The following ATP13A3 variants were observed in gnomAD, a reference collection of about 807,000 sequenced individuals.
ATP13A3 encodes the protein ATPase 13A3.
In ATP13A3, 59 loss-of-function variants were observed where a neutral mutation model predicts 158.1. The observed-to-expected ratio is 0.37, with a 90% CI of 0.30 to 0.46. ATP13A3 has a LOEUF of 0.46. ATP13A3 is among the 20% of genes least tolerant of loss of function. The pLI, the probability that ATP13A3 is intolerant of heterozygous loss-of-function variation, is 1.00. For missense variants in ATP13A3, 1,166 were observed against 1,525.2 expected (o/e 0.76, Z 3.92); for synonymous variants, 491 against 504.3 (o/e 0.97, Z 0.35).
In ATP13A3 at chr3:194,425,367, G is replaced by A. The variant is rs750613950; in HGVS notation, c.3288C>T (p.Pro1096=). ...AATTTTTGTAGCAAGGTTGCCTGAA[G>A]GGTTTTCCTTTTGAAAAGGCAATTG... ...IVAIAFSKGK[P]FRQPCYKNYF... Residue 1096 remains proline (P), a synonymous_variant, in exon 30 of 34, where the codon CCC becomes CCT. Transcript: ENST00000645319. The A allele has an allele frequency of 6.2e-7, 1 of 1,612,762 alleles. No homozygotes were observed. Among genetic ancestry groups the A allele is most frequent in the Admixed American group, 1.7e-5 (1 of 59,754 alleles).
chr3:194,481,734 G>A (rs1280687840), intron 2 of ATP13A3, among the ~76,000 whole-genome samples: 1 of 152,150 alleles, frequency 6.6e-6, no homozygotes, highest in African/African-American at 2.4e-5. Context: ...GTAGACATCA[G>A]CAATTTCCAG....
intron 10 of ATP13A3, among the ~76,000 whole-genome samples, chr3:194,453,435 A>T (rs1299594991): frequency 6.6e-6 from 1 of 151,980 alleles, no homozygotes; most frequent in African/African-American, 2.4e-5. Flanking sequence ...TCTAAAAAAA[A>T]AAAAAATAGA....
At chr3:194,420,132 C>CT (rs1716187418) in intron 30 of ATP13A3, 165 bp from the exon 31 acceptor site, 1 of 671,028 alleles carries the variant, frequency 1.5e-6, no homozygotes, top group Admixed American at 4.6e-5. Context: ...GAGTATGAGA[C>CT]ATTGTTCGGG....
intron 20 of ATP13A3, 107 bp downstream of exon 20, chr3:194,436,988 C>T: frequency 1.5e-6 from 2 of 1,315,054 alleles, no homozygotes; most frequent in Non-Finnish European, 2.1e-6. Context: ...TATTAGATAT[C>T]TTTTCATACA....
chr3:194,483,753 A>C (rs944731705), intron 2 of ATP13A3, among the ~76,000 whole-genome samples: 3 of 152,256 alleles, frequency 2.0e-5, no homozygotes, highest in Non-Finnish European at 4.4e-5. Context: ...CAGAGGTAAC[A>C]CCAAGAAGAA....
At chr3:194,454,204 TG>T (rs1719031173) in intron 9 of ATP13A3, 53 bp downstream of exon 9, 2 of 1,493,508 alleles carry the variant, frequency 1.3e-6, no homozygotes, top group Non-Finnish European at 1.8e-6. Flanking sequence ...ACACATTAGA[TG>T]TTACTACAAA....
intron 2 of ATP13A3, among the ~76,000 whole-genome samples, chr3:194,484,257 AAAG>A (rs1287677814): frequency 1.3e-5 from 2 of 152,044 alleles, no homozygotes; most frequent in African/African-American, 2.4e-5. Flanking sequence ...TTTTTTTAAC[AAAG>A]AAGAATATTG....
upstream of ATP13A3, chr3:194,488,206 T>G (rs890404766): frequency 7.9e-5 from 12 of 151,890 alleles, no homozygotes; most frequent in African/African-American, 2.9e-4. This position sits in a 1 kb window ranked among gnomAD's most constrained non-coding sequence, Gnocchi z 4.1. Context: ...ACCGTTTGTT[T>G]CAAACCTCGT....
At chr3:194,444,130 G>A (rs1472636088) in intron 15 of ATP13A3, among the ~76,000 whole-genome samples, 1 of 152,178 alleles carries the variant, frequency 6.6e-6, no homozygotes, top group Non-Finnish European at 1.5e-5. Context: ...TAAAGCTGAA[G>A]CCGTGCCCAT....
intron 24 of ATP13A3, among the ~76,000 whole-genome samples, 188 bp from the exon 25 acceptor site, chr3:194,430,503 G>A (rs1227726632): frequency 6.6e-6 from 1 of 152,202 alleles, no homozygotes; most frequent in African/African-American, 2.4e-5. Context: ...GACCACAAGT[G>A]AAATGAGCTA....
chr3:194,482,055 CTT>C (rs569801709), intron 2 of ATP13A3, among the ~76,000 whole-genome samples: 50 of 152,280 alleles, frequency 3.3e-4, no homozygotes, highest in Middle Eastern at 6.8e-3. Flanking sequence ...TTTATGGAAA[CTT>C]TTCAGCAATC....
intron 33 of ATP13A3, among the ~76,000 whole-genome samples, chr3:194,411,721 G>C (rs960677102): frequency 4.6e-5 from 7 of 152,172 alleles, no homozygotes; most frequent in Non-Finnish European, 1.0e-4. Flanking sequence ...CAAATTAAGG[G>C]ACAGTAACTG....
chr3:194,491,926 C>T (rs1487874613), upstream of ATP13A3, among the ~76,000 whole-genome samples: 1 of 152,152 alleles, frequency 6.6e-6, no homozygotes, highest in Non-Finnish European at 1.5e-5. Context: ...AGTGCATTCG[C>T]TCCCAGTGGG....
chr3:194,428,145 C>T (rs1403881800), intron 28 of ATP13A3, among the ~76,000 whole-genome samples: 2 of 147,216 alleles, frequency 1.4e-5, no homozygotes, highest in Non-Finnish European at 3.0e-5. Context: ...CGCTTGAACT[C>T]GGGAGGCGGA....
chr3:194,426,393 A>G (rs1282577038), intron 29 of ATP13A3, among the ~76,000 whole-genome samples: 1 of 152,180 alleles, frequency 6.6e-6, no homozygotes, highest in Admixed American at 6.5e-5. Flanking sequence ...AGCACTCTAC[A>G]CTCTACGAAA....
At chr3:194,437,250 G>A in intron 19 of ATP13A3, 35 bp from the exon 20 acceptor site, 4 of 1,613,764 alleles carry the variant, frequency 2.5e-6, no homozygotes, top group East Asian at 2.2e-5. Context: ...CATTGTTAGA[G>A]TTGCTAATAC....
chr3:194,420,878 A>C (rs1390591711), intron 30 of ATP13A3, among the ~76,000 whole-genome samples: 1 of 151,344 alleles, frequency 6.6e-6, no homozygotes, highest in Admixed American at 6.6e-5. Context: ...CTCCACTTCA[A>C]ACTCAAACTT....
chr3:194,421,479 G>T (rs1716370517), intron 30 of ATP13A3, among the ~76,000 whole-genome samples: 2 of 149,618 alleles, frequency 1.3e-5, no homozygotes, highest in Admixed American at 1.3e-4. Flanking sequence ...TGTGAACACG[G>T]GAGGCGGAGC....
intron 31 of ATP13A3, among the ~76,000 whole-genome samples, chr3:194,414,559 A>G (rs954952121): frequency 2.4e-4 from 36 of 152,316 alleles, no homozygotes; most frequent in African/African-American, 8.2e-4. Flanking sequence ...AAGAAAAAAC[A>G]ATCTAAGTGT....
Sources: allele counts gnomAD v4.1 joint callset (sites outside exome capture counted in the v4.1 genomes callset), GRCh38; gene constraint gnomAD v4.1.1; non-coding constraint Gnocchi (gnomAD v3.1); transcripts MANE v1.5; gene names NCBI Gene and HGNC (gene_info 2026-07-23, HGNC 2026-07-21).